The following RP1 variants were observed in gnomAD, a reference collection of about 807,000 sequenced individuals.
RP1 encodes RP1 axonemal microtubule associated, also known as oxygen-regulated protein 1.
RP1 carries 16 observed loss-of-function variants against 14.8 expected under a neutral mutation model. The observed-to-expected ratio is 1.08, with a 90% CI of 0.73 to 1.65. The LOEUF is 1.65. Ranked by LOEUF, RP1 falls within the 40% of genes most tolerant of loss-of-function variation. The probability of loss-of-function intolerance (pLI) is 0.00; values close to 1 mark genes in which losing one functional copy is unlikely to be tolerated. For missense variants in RP1, 2,631 were observed against 2,535.0 expected, an observed-to-expected ratio of 1.04 and a Z score of -0.81; for synonymous variants, 876 against 883.6, an observed-to-expected ratio of 0.99 and a Z score of 0.15.
intron 24 of RP1, among the ~76,000 whole-genome samples, chr8:54,820,930 A>T (rs1811241343): frequency 6.6e-6 from 1 of 152,082 alleles, no homozygotes; most frequent in Non-Finnish European, 1.5e-5. Flanking sequence ...AGGAGGATCC[A>T]GGAGGAGAGA....
chr8:54,818,088 T>G (rs1018311267), intron 24 of RP1, among the ~76,000 whole-genome samples: 1 of 152,212 alleles, frequency 6.6e-6, no homozygotes, highest in Non-Finnish European at 1.5e-5. Flanking sequence ...CTTTTTAAAT[T>G]TGCAAATATG....
chr8:54,752,264 T>A (rs1563366081), intron 19 of RP1, among the ~76,000 whole-genome samples: 1 of 152,206 alleles, frequency 6.6e-6, no homozygotes, highest in Admixed American at 6.5e-5. Context: ...AAATGTGAGC[T>A]ATACATAAAT....
upstream of RP1, among the ~76,000 whole-genome samples, chr8:54,611,299 T>C (rs957506868): frequency 6.6e-6 from 1 of 152,214 alleles, no homozygotes; most frequent in Non-Finnish European, 1.5e-5. Flanking sequence ...TTTCTCTTTC[T>C]CTTCTCCTTC....
intron 12 of RP1, among the ~76,000 whole-genome samples, chr8:54,692,058 C>A (rs934605431): frequency 6.6e-6 from 1 of 151,736 alleles, no homozygotes; most frequent in Non-Finnish European, 1.5e-5. Context: ...TGAGTGAGAA[C>A]ATGTGGTGTT....
At chr8:54,592,183 A>C (rs979798827) in intron 1 of RP1, among the ~76,000 whole-genome samples, 3 of 152,238 alleles carry the variant, frequency 2.0e-5, no homozygotes, top group Non-Finnish European at 4.4e-5. Flanking sequence ...TTACCTTATG[A>C]ATCTTTGTAG....
At chr8:54,685,644 A>T (rs1158777715) in intron 12 of RP1, among the ~76,000 whole-genome samples, 1 of 152,148 alleles carries the variant, frequency 6.6e-6, no homozygotes, top group Non-Finnish European at 1.5e-5. Flanking sequence ...AAATTCATGA[A>T]CTTTCTTAAA....
intron 19 of RP1, among the ~76,000 whole-genome samples, chr8:54,748,843 AT>A (rs919691842): frequency 2.6e-5 from 4 of 151,132 alleles, no homozygotes; most frequent in African/African-American, 9.7e-5. Context: ...GAGTAGAAGT[AT>A]TTTTTTTTGT....
intron 1 of RP1, among the ~76,000 whole-genome samples, chr8:54,573,205 T>G (rs1030583346): frequency 1.2e-4 from 18 of 152,178 alleles, no homozygotes; most frequent in African/African-American, 4.3e-4. Flanking sequence ...TCACCTTCTT[T>G]TTTTCCAGTA....
At chr8:54,703,813 G>A (rs1285664358) in intron 14 of RP1, among the ~76,000 whole-genome samples, 1 of 152,152 alleles carries the variant, frequency 6.6e-6, no homozygotes, top group African/African-American at 2.4e-5. Context: ...ATCAGTACTT[G>A]CTGCTTTACC....
intron 1 of RP1, among the ~76,000 whole-genome samples, chr8:54,605,430 A>G (rs927013103): frequency 2.6e-5 from 4 of 152,088 alleles, no homozygotes; most frequent in Non-Finnish European, 4.4e-5. Context: ...CTATTCTTTT[A>G]CATTTGCTGA....
At chr8:54,737,544 A>C (rs1056790724) in intron 18 of RP1, among the ~76,000 whole-genome samples, 12 of 152,298 alleles carry the variant, frequency 7.9e-5, no homozygotes, top group Non-Finnish European at 2.9e-5. Flanking sequence ...CTCTGGGAGG[A>C]AGAGCTAGCC....
At chr8:54,843,878 T>C (rs1811850660) in intron 25 of RP1, among the ~76,000 whole-genome samples, 1 of 152,190 alleles carries the variant, frequency 6.6e-6, no homozygotes, top group Non-Finnish European at 1.5e-5. Flanking sequence ...TAGTGTTACC[T>C]AGGCGCTTTA....
At chr8:54,854,452 C>A (rs553486672) in intron 26 of RP1, among the ~76,000 whole-genome samples, 33 of 152,166 alleles carry the variant, frequency 2.2e-4, no homozygotes, top group African/African-American at 8.0e-4. Context: ...ACATCAAATC[C>A]CCAAATCAGT....
At chr8:54,805,307 C>G (rs895118716) in intron 24 of RP1, among the ~76,000 whole-genome samples, 1 of 152,154 alleles carries the variant, frequency 6.6e-6, no homozygotes, top group African/African-American at 2.4e-5. Context: ...TTATTTCTAT[C>G]TCTAAGCTAT....
intron 1 of RP1, among the ~76,000 whole-genome samples, chr8:54,583,153 T>C (rs1804837146): frequency 6.6e-6 from 1 of 152,244 alleles, no homozygotes; most frequent in Non-Finnish European, 1.5e-5. Context: ...AGATAGCTCT[T>C]ATTATTTTGA....
At chr8:54,570,296 G>A (rs566180129) in intron 1 of RP1, among the ~76,000 whole-genome samples, 1 of 151,874 alleles carries the variant, frequency 6.6e-6, no homozygotes, top group African/African-American at 2.4e-5. Context: ...CAACTGAATG[G>A]GTGTTCAGTA....
At chr8:54,611,900 C>CCTTA (rs1805605937), upstream of RP1, among the ~76,000 whole-genome samples, 1 of 118,508 alleles carries the variant, frequency 8.4e-6, no homozygotes, top group African/African-American at 3.2e-5. Context: ...TTCCTTCCTT[C>CCTTA]CTTCCTTCCT....
rs761796251 is a variant in RP1 at position 54,758,875 on chromosome 8, G to A, written c.3094-47G>A. On this transcript the variant is annotated intron_variant, in intron 21 of 22. Coordinates refer to the RP1 transcript ENST00000636932. ...TTATTGCCTGCATTTGTCATGCCTCGGACTCTAGTTATTTCTGTGGGTTTT... is the reference window on the plus strand; with the variant it reads ...TTATTGCCTGCATTTGTCATGCCTCAGACTCTAGTTATTTCTGTGGGTTTT... 41 of 1,525,032 alleles carry A rather than the reference G, an allele frequency of 2.7e-5. 1 individual carries two copies. The South Asian group carries it at 3.5e-4, about 13-fold the overall frequency. The allele number at this position is 1,525,032 out of a possible 1,614,324, so 94.5% of individuals were successfully genotyped here. A position where few individuals can be genotyped will look rare whatever the true frequency, so the allele number is the denominator to read the frequency against.
rs1806125313 is a variant in RP1 at position 54,628,041 on chromosome 8, T to C, written c.4159T>C (p.Leu1387=). The change falls in exon 4 of 4, where the codon TTG becomes CTG. Residue 1387 remains leucine, a synonymous_variant. Coordinates refer to ENST00000220676, the MANE Select transcript of RP1 (RefSeq NM_006269.2). The part of the protein sequence containing the change: ...DPEYKNGFNT[L]VSHQNVSNLS... ...TGAATATAAAAATGGATTTAATACATTGGTGTCACATCAAAATGTCAGTAA... is the reference window on the plus strand; with the variant it reads ...TGAATATAAAAATGGATTTAATACACTGGTGTCACATCAAAATGTCAGTAA... 6.2e-7 allele frequency: 1 copy of C among 1,614,048 alleles called. No individual in the cohort carries two copies. The highest frequency in any genetic ancestry group is 8.5e-7 in the Non-Finnish European group (1 of 1,179,950).
Sources: allele counts gnomAD v4.1 joint callset (sites outside exome capture counted in the v4.1 genomes callset), GRCh38; gene constraint gnomAD v4.1.1; transcripts MANE v1.5; gene names NCBI Gene and HGNC (gene_info 2026-07-23, HGNC 2026-07-21).